MEIS2: variants seen among roughly 807,000 people sequenced by gnomAD.
MEIS2 encodes homeobox protein Meis2.
In MEIS2, 9 loss-of-function variants were observed where a neutral mutation model predicts 58.6. The observed-to-expected ratio is 0.15, with a 90% CI of 0.09 to 0.27. The LOEUF (loss-of-function observed/expected upper bound fraction) is 0.27. Ranked by LOEUF, MEIS2 falls within the 10% of genes least tolerant of loss-of-function variation. The probability of loss-of-function intolerance (pLI) is 1.00; values close to 1 mark genes in which losing one functional copy is unlikely to be tolerated. For missense variants in MEIS2, 427 were observed against 635.0 expected (o/e 0.67, Z 3.52); for synonymous variants, 221 against 228.4 (o/e 0.97, Z 0.29).
chr15:36,915,094 G>A (rs2057214584), intron 9 of MEIS2, among the ~76,000 whole-genome samples: 1 of 151,966 alleles, frequency 6.6e-6, no homozygotes, highest in South Asian at 2.1e-4. Flanking sequence ...CTCCGTGACT[G>A]GTGCAAATCT....
chr15:37,031,612 C>A (rs1343481013), intron 8 of MEIS2, among the ~76,000 whole-genome samples: 4 of 151,916 alleles, frequency 2.6e-5, no homozygotes, highest in Non-Finnish European at 4.4e-5. Flanking sequence ...TTTTTATTAC[C>A]AAACCCAGGC....
intron 8 of MEIS2, among the ~76,000 whole-genome samples, chr15:36,989,549 T>C (rs1177407579): frequency 1.3e-5 from 2 of 152,174 alleles, no homozygotes; most frequent in Non-Finnish European, 2.9e-5. Context: ...TAGGCCCAGA[T>C]ATGGTCTCTG....
At chr15:36,934,107 G>A (rs1005511281) in intron 9 of MEIS2, among the ~76,000 whole-genome samples, 5 of 152,122 alleles carry the variant, frequency 3.3e-5, no homozygotes, top group East Asian at 1.9e-4. Flanking sequence ...AATACAATGC[G>A]TAAGTAGATT....
intron 9 of MEIS2, among the ~76,000 whole-genome samples, chr15:36,918,733 G>A (rs2057379299): frequency 6.6e-6 from 1 of 152,146 alleles, no homozygotes; most frequent in Non-Finnish European, 1.5e-5. Flanking sequence ...CTGACAGGAG[G>A]GAATGGGAAG....
chr15:37,082,633 C>T (rs1302784245), intron 7 of MEIS2, among the ~76,000 whole-genome samples: 3 of 152,132 alleles, frequency 2.0e-5, no homozygotes, highest in African/African-American at 7.2e-5. Context: ...GTGCAAGTTG[C>T]AAGTTCTTCC....
intron 8 of MEIS2, among the ~76,000 whole-genome samples, chr15:37,028,289 C>G (rs757041495): frequency 7.9e-5 from 12 of 152,180 alleles, no homozygotes. Flanking sequence ...ATTGCACCAC[C>G]ACTGTACTGG....
At chr15:36,972,862 C>T (rs2059615550) in intron 8 of MEIS2, 1 of 152,016 alleles carries the variant, frequency 6.6e-6, no homozygotes. Flanking sequence ...AAACCAATTT[C>T]TCATATCAAA....
intron 8 of MEIS2, among the ~76,000 whole-genome samples, chr15:36,977,766 G>C (rs369543780): frequency 2.6e-5 from 4 of 152,152 alleles, no homozygotes; most frequent in Admixed American, 1.3e-4. Flanking sequence ...CTTAGAAAAG[G>C]CTGGTTGATC....
intron 9 of MEIS2, among the ~76,000 whole-genome samples, chr15:36,927,441 G>C (rs1016845957): frequency 6.6e-6 from 1 of 151,820 alleles, no homozygotes; most frequent in Non-Finnish European, 1.5e-5. Context: ...AAGGTGAAAG[G>C]AAAAAAAGAA....
intron 5 of MEIS2, 80 bp downstream of exon 5, chr15:37,094,447 G>C: frequency 7.2e-7 from 1 of 1,383,896 alleles, no homozygotes. Flanking sequence ...CCTCACACTA[G>C]AGGTTTGTTA....
chr15:37,044,223 G>A (rs535486197), intron 7 of MEIS2, among the ~76,000 whole-genome samples: 60 of 152,248 alleles, frequency 3.9e-4, no homozygotes, highest in Non-Finnish European at 7.6e-4. Flanking sequence ...TCCTCAAGCT[G>A]CTGGGAGAAG....
chr15:36,945,703 C>T (rs915227983), intron 9 of MEIS2, among the ~76,000 whole-genome samples: 4 of 151,910 alleles, frequency 2.6e-5, no homozygotes, highest in African/African-American at 4.8e-5. Flanking sequence ...AGCTGTTAGA[C>T]GTAGAATGAT....
chr15:37,067,297 C>T, intron 7 of MEIS2, among the ~76,000 whole-genome samples: 1 of 152,078 alleles, frequency 6.6e-6, no homozygotes, highest in East Asian at 1.9e-4. Flanking sequence ...ACCACGTTGT[C>T]CAGACTGCAG....
At chr15:37,052,942 A>G (rs1318220571) in intron 7 of MEIS2, among the ~76,000 whole-genome samples, 1 of 152,182 alleles carries the variant, frequency 6.6e-6, no homozygotes, top group Non-Finnish European at 1.5e-5. Context: ...AAGCCATGTA[A>G]TTATTAGTTT....
At chr15:36,892,915 C>T (rs543353096) in intron 11 of MEIS2, among the ~76,000 whole-genome samples, 2 of 152,212 alleles carry the variant, frequency 1.3e-5, no homozygotes, top group South Asian at 4.1e-4. Flanking sequence ...AAATTTATTA[C>T]ACAAAACATT....
chr15:36,989,654 A>G (rs1041037935), intron 8 of MEIS2, among the ~76,000 whole-genome samples: 2 of 152,202 alleles, frequency 1.3e-5, no homozygotes, highest in African/African-American at 4.8e-5. Flanking sequence ...TCACATAAAT[A>G]TAGCTACTAT....
At chr15:36,920,387 T>A (rs942725699) in intron 9 of MEIS2, among the ~76,000 whole-genome samples, 1 of 152,190 alleles carries the variant, frequency 6.6e-6, no homozygotes, top group Non-Finnish European at 1.5e-5. Context: ...CCTCAGGTGA[T>A]CCACCCGCCT....
intron 6 of MEIS2, among the ~76,000 whole-genome samples, chr15:37,085,940 A>G (rs1892826705): frequency 6.6e-6 from 1 of 152,164 alleles, no homozygotes; most frequent in Admixed American, 6.5e-5. Flanking sequence ...GAAGAATTAC[A>G]TGGAAAAAAA....
At chr15:36,939,535 T>A (rs2058300946) in intron 9 of MEIS2, among the ~76,000 whole-genome samples, 1 of 108,622 alleles carries the variant, frequency 9.2e-6, no homozygotes, top group African/African-American at 3.5e-5. Flanking sequence ...GGTCTAGCAA[T>A]AGAGGTCCTT....
Sources: gnomAD v4.1 joint callset for allele counts (sites outside exome capture counted in the v4.1 genomes callset) on GRCh38, gnomAD v4.1.1 for gene constraint, MANE v1.5 for transcripts, NCBI Gene and HGNC (gene_info 2026-07-23, HGNC 2026-07-21) for gene names.